RNF175: variants seen among roughly 807,000 people sequenced by gnomAD.
The protein encoded by RNF175 is ring finger protein 175.
RNF175 carries 38 observed loss-of-function variants against 50.0 expected under a neutral mutation model. That is an observed-to-expected ratio of 0.76 (90% confidence interval 0.59 to 1.00). The LOEUF (loss-of-function observed/expected upper bound fraction) is 1.00. Ranked by LOEUF, RNF175 falls within the 50% of genes least tolerant of loss-of-function variation. The pLI is 0.00. For missense variants in RNF175, 388 were observed against 409.6 expected, an observed-to-expected ratio of 0.95 and a Z score of 0.46; for synonymous variants, 155 against 146.1, an observed-to-expected ratio of 1.06 and a Z score of -0.44.
chr4:153,752,306 C>T (rs891757369), intron 1 of RNF175, among the ~76,000 whole-genome samples: 17 of 152,298 alleles, frequency 1.1e-4, no homozygotes, highest in African/African-American at 4.1e-4. Flanking sequence ...ACTCATGCAC[C>T]TTGACTACCT....
intron 3 of RNF175, 113 bp from the exon 4 acceptor site, chr4:153,728,474 T>C: frequency 1.2e-6 from 1 of 820,964 alleles, no homozygotes; most frequent in Non-Finnish European, 2.0e-6. Flanking sequence ...CCATCATGTC[T>C]GTACCATGCA....
chr4:153,720,753 A>G (rs1240972009), intron 5 of RNF175: 1 of 157,964 alleles, frequency 6.3e-6, no homozygotes, highest in Admixed American at 6.1e-5. Flanking sequence ...GCACATTAAC[A>G]TATGGGCCCA....
At chr4:153,717,879 T>C (rs1370511787) in intron 6 of RNF175, among the ~76,000 whole-genome samples, 1 of 152,184 alleles carries the variant, frequency 6.6e-6, no homozygotes, top group East Asian at 1.9e-4. Flanking sequence ...CCTAAATTAT[T>C]TTTAAAATTT....
intron 3 of RNF175, among the ~76,000 whole-genome samples, chr4:153,742,736 G>A (rs1178445013): frequency 6.6e-6 from 1 of 151,718 alleles, no homozygotes; most frequent in Non-Finnish European, 1.5e-5. Context: ...ACCTCTCAAG[G>A]TACCTGAGGT....
At chr4:153,720,089 G>T in intron 6 of RNF175, 95 bp downstream of exon 6, 3 of 1,327,854 alleles carry the variant, frequency 2.3e-6, no homozygotes, top group South Asian at 2.7e-5. Context: ...TATGGAGAAA[G>T]ACTTATTTGT....
At chr4:153,731,035 A>C (rs1739003819) in intron 3 of RNF175, among the ~76,000 whole-genome samples, 1 of 152,238 alleles carries the variant, frequency 6.6e-6, no homozygotes, top group Non-Finnish European at 1.5e-5. Flanking sequence ...ATTAGAATGT[A>C]TTATGTGTGC....
intron 4 of RNF175, among the ~76,000 whole-genome samples, chr4:153,726,434 G>T (rs1738704428): frequency 6.6e-6 from 1 of 152,090 alleles, no homozygotes; most frequent in Non-Finnish European, 1.5e-5. Flanking sequence ...TTCACTGCTT[G>T]CCAGACAAAC....
intron 4 of RNF175, among the ~76,000 whole-genome samples, chr4:153,724,544 T>C (rs1396417440): frequency 1.3e-5 from 2 of 152,168 alleles, no homozygotes; most frequent in African/African-American, 4.8e-5. Context: ...TTGCTCCAGA[T>C]GTTTAGCCCC....
chr4:153,755,984 T>TA (rs1338238303), intron 1 of RNF175, among the ~76,000 whole-genome samples: 1 of 152,192 alleles, frequency 6.6e-6, no homozygotes, highest in African/African-American at 2.4e-5. Flanking sequence ...AATGTATAGT[T>TA]ACATAAAGAG....
In RNF175 at chr4:153,748,857, CAAAAAACA is replaced by C. The variant is rs770382644; in HGVS notation, c.105-79_105-72del. On this transcript the variant is annotated intron_variant, in intron 2 of 8. Coordinates refer to ENST00000347063, the MANE Select transcript of RNF175 (RefSeq NM_173662.4). ...CGCATTTAGCAAAAAAAACAAAAAA[CAAAAAACA>C]AAAAAACAAAAAACAGGTTTGGCTT... 2.5e-5 allele frequency: 36 copies of C among 1,425,070 alleles called. No homozygotes were observed. The East Asian group carries it at 8.1e-4, about 32-fold the overall frequency. 88.3% of individuals were successfully genotyped at this position (1,425,070 alleles called of 1,614,324 possible).
At position 153,720,176 on chromosome 4, in the gene RNF175, A is replaced by G. The variant is rs1247520701; in HGVS notation, c.630+8T>C. On this transcript the variant is annotated splice_region_variant and intron_variant, in intron 6 of 8. Transcript: ENST00000347063. ...TACATGGTTTCAGAAAATGAAAGCAACACTTACCCCTATAGTGGAAGCCAT... is the reference window on the plus strand; with the variant it reads ...TACATGGTTTCAGAAAATGAAAGCAGCACTTACCCCTATAGTGGAAGCCAT... 1.2e-6 allele frequency: 2 copies of G among 1,613,200 alleles called. No homozygotes were observed. The highest frequency in any genetic ancestry group is 2.2e-5 in the East Asian group (1 of 44,866).
intron 3 of RNF175, among the ~76,000 whole-genome samples, chr4:153,737,406 T>C (rs1339069745): frequency 6.6e-6 from 1 of 152,116 alleles, no homozygotes; most frequent in East Asian, 1.9e-4. Context: ...TTTTAGATTA[T>C]TGATTTTAGA....
At chr4:153,733,276 T>C (rs1169931881) in intron 3 of RNF175, among the ~76,000 whole-genome samples, 1 of 152,218 alleles carries the variant, frequency 6.6e-6, no homozygotes, top group East Asian at 1.9e-4. Context: ...TTATAATGAA[T>C]AATACCTTCA....
intron 1 of RNF175, 108 bp downstream of exon 1, chr4:153,759,689 G>C: frequency 1.4e-6 from 1 of 692,752 alleles, no homozygotes; most frequent in East Asian, 3.4e-5. Context: ...GGTTCTCCCC[G>C]GTGGGGCCCG....
chr4:153,759,680 G>T, intron 1 of RNF175, 117 bp downstream of exon 1: 1 of 627,984 alleles, frequency 1.6e-6, no homozygotes, highest in Non-Finnish European at 2.5e-6. Context: ...TCCAGGGCCG[G>T]TTCTCCCCGG....
Position 153,715,524 on chromosome 4 carries a change from G to T in RNF175, c.764+5C>A. ...AGCCCAAACAATTTCCTTTGAAAAG[G>T]ATACACATGATTACAGGAAAGCTGG... On this transcript the variant is annotated splice_donor_5th_base_variant and intron_variant, in intron 7 of 8. Transcript: ENST00000347063. The T allele has an allele frequency of 1.9e-6, 3 of 1,580,490 alleles. No homozygotes were observed. Among genetic ancestry groups the T allele is most frequent in the Non-Finnish European group, 2.6e-6 (3 of 1,162,838 alleles).
chr4:153,723,316 T>G (rs1034980835), intron 5 of RNF175, 35 bp downstream of exon 5: 4 of 1,049,516 alleles, frequency 3.8e-6, no homozygotes, highest in Non-Finnish European at 4.4e-6. Context: ...AAGCAAGTGC[T>G]TGGAGATATT....
At chr4:153,712,720 G>T in intron 7 of RNF175, 144 bp from the exon 8 acceptor site, 1 of 636,712 alleles carries the variant, frequency 1.6e-6, no homozygotes, top group Non-Finnish European at 2.8e-6. Flanking sequence ...GTTCTGTAAG[G>T]GACCTGACAA....
At chr4:153,748,622 C>T in intron 3 of RNF175, 23 bp downstream of exon 3, 3 of 1,554,742 alleles carry the variant, frequency 1.9e-6, no homozygotes, top group East Asian at 4.8e-5. Flanking sequence ...AGCAGGCTCC[C>T]AGCAGCCACG....
Sources: allele counts gnomAD v4.1 joint callset (sites outside exome capture counted in the v4.1 genomes callset), GRCh38; gene constraint gnomAD v4.1.1; transcripts MANE v1.5; gene names NCBI Gene and HGNC (gene_info 2026-07-23, HGNC 2026-07-21).